Variants in CHEK2 observed in about 807,000 individuals in gnomAD.
The protein encoded by CHEK2 is checkpoint kinase 2, also known as serine/threonine-protein kinase Chk2.
A neutral mutation model predicts 69.1 loss-of-function variants in CHEK2; 71 were observed. The observed-to-expected ratio is 1.03, with a 90% confidence interval of 0.85 to 1.25. The LOEUF (loss-of-function observed/expected upper bound fraction) is 1.25, where lower values mean the gene tolerates loss of function less well. Among genes scored for constraint, CHEK2 ranks in the 50% most tolerant of loss-of-function variants. The probability of loss-of-function intolerance (pLI) is 0.00; values close to 1 mark genes in which losing one functional copy is unlikely to be tolerated. For missense variants in CHEK2, 664 were observed against 649.6 expected (o/e 1.02, Z -0.24); for synonymous variants, 189 against 226.9 (o/e 0.83, Z 1.50).
chr22:28,702,141 G>GTGTGTGTC (rs2052888295), intron 8 of CHEK2, among the ~76,000 whole-genome samples: 2 of 142,550 alleles, frequency 1.4e-5, no homozygotes, highest in South Asian at 2.2e-4. Context: ...GTGTCTGTGT[G>GTGTGTGTC]TGTGTGTGTG....
intron 5 of CHEK2, among the ~76,000 whole-genome samples, chr22:28,718,293 T>C (rs1169568812): frequency 2.0e-5 from 3 of 152,108 alleles, no homozygotes; most frequent in East Asian, 1.9e-4. Context: ...TTGGAGAGGA[T>C]GTGAAGAAAA....
At chr22:28,718,819 T>C (rs893388084) in intron 5 of CHEK2, among the ~76,000 whole-genome samples, 8 of 150,054 alleles carry the variant, frequency 5.3e-5, no homozygotes, top group Non-Finnish European at 1.0e-4. Context: ...GAAGTGGAGG[T>C]TGCAGTGAGT....
intron 7 of CHEK2, among the ~76,000 whole-genome samples, chr22:28,707,121 C>T (rs1418420781): frequency 1.3e-5 from 2 of 152,132 alleles, no homozygotes; most frequent in East Asian, 3.9e-4. Flanking sequence ...ATTACTTCCT[C>T]TAGTGTCCGC....
intron 6 of CHEK2, 144 bp from the exon 7 acceptor site, chr22:28,710,203 A>G: frequency 1.7e-6 from 1 of 598,560 alleles, no homozygotes; most frequent in African/African-American, 1.9e-5. Flanking sequence ...AGCCCAGGTC[A>G]ATGACTTAAA....
rs587781519 is a variant in CHEK2 at position 28,687,932 on chromosome 22, TG to T, written c.1596del (p.Thr533GlnfsTer33). On this transcript the variant is annotated frameshift_variant, in exon 15 of 15. Transcript: ENST00000404276. LOFTEE classifies it high-confidence loss of function. ...GCAGCACACACAGCTGGGCGCTTTG[TG>T]GTCTCGGCACCCTCGGCTTCCCCTT... ...PREGEAEGAE[T>X]TKRPAVCAAV... The T allele has an allele frequency of 8.8e-6, 14 of 1,596,312 alleles. No individual in the cohort carries two copies. Among genetic ancestry groups the T allele is most frequent in the African/African-American group, 1.3e-5 (1 of 74,860 alleles).
intron 2 of CHEK2, among the ~76,000 whole-genome samples, chr22:28,733,900 C>A (rs547236842): frequency 1.4e-5 from 2 of 145,376 alleles, no homozygotes; most frequent in East Asian, 4.0e-4. Flanking sequence ...CTTGTCTGTG[C>A]GACAGAGCAA....
In CHEK2 at chr22:28,741,773, T is replaced by C. The variant is rs554107994; in HGVS notation, c.-11A>G. The C allele has an allele frequency of 1.3e-5, 6 of 445,438 alleles. No homozygotes were observed. Among genetic ancestry groups the C allele is most frequent in the African/African-American group, 7.9e-5 (4 of 50,586 alleles). The allele number at this position is 445,438 out of a possible 1,614,324, so 27.6% of individuals were successfully genotyped here. On this transcript the variant is annotated 5_prime_UTR_variant, in exon 1 of 15. Transcript: ENST00000404276. ...GAAGTTCCCCATATGACTCACCGCG[T>C]GAGCCCACCTGGAGCCGCACACTCT... is the stretch of plus-strand genomic sequence containing the variant.
intron 5 of CHEK2, among the ~76,000 whole-genome samples, chr22:28,713,517 C>T (rs973252801): frequency 4.0e-5 from 6 of 151,830 alleles, no homozygotes; most frequent in Non-Finnish European, 5.9e-5. Flanking sequence ...CCACCACGCC[C>T]GGCTAATCTT....
chr22:28,719,067 A>C (rs1038307891), intron 5 of CHEK2, among the ~76,000 whole-genome samples: 2 of 152,082 alleles, frequency 1.3e-5, no homozygotes, highest in Non-Finnish European at 2.9e-5. Context: ...ACTCTAAAAA[A>C]CAAAAACACA....
At chr22:28,716,169 A>G (rs2053579148) in intron 5 of CHEK2, among the ~76,000 whole-genome samples, 1 of 150,194 alleles carries the variant, frequency 6.7e-6, no homozygotes, top group Non-Finnish European at 1.5e-5. Flanking sequence ...CACCATACCC[A>G]GCCTCATACA....
chr22:28,687,966 C>T lies in CHEK2; in HGVS notation c.1563G>A (p.Arg521=), dbSNP rs761278013. Reference sequence around the variant, plus strand: ...CACCCTCGGCTTCCCCTTCACGGGGCCGCTTTCGACTAGTAGAAGGCTGAA... The same window carrying T: ...CACCCTCGGCTTCCCCTTCACGGGGTCGCTTTCGACTAGTAGAAGGCTGAA... ...VLAQPSTSRK[R]PREGEAEGAE... The change falls in exon 15 of 15, where the codon CGG becomes CGA. Residue 521 remains arginine (R), a synonymous_variant. Coordinates refer to ENST00000404276, the MANE Select transcript of CHEK2 (RefSeq NM_007194.4). The T allele has an allele frequency of 4.4e-6, 7 of 1,595,950 alleles. No homozygotes were observed. In the African/African-American group the frequency reaches 8.0e-5, roughly 18 times the overall value.
chr22:28,732,262 C>A (rs183275055), intron 2 of CHEK2, among the ~76,000 whole-genome samples: 2 of 152,280 alleles, frequency 1.3e-5, no homozygotes, highest in African/African-American at 4.8e-5. Flanking sequence ...CAGGAGCCCG[C>A]CACCATGCCC....
chr22:28,698,639 G>C (rs1315439482), intron 9 of CHEK2, among the ~76,000 whole-genome samples: 1 of 152,182 alleles, frequency 6.6e-6, no homozygotes, highest in Non-Finnish European at 1.5e-5. Flanking sequence ...GGGTTTTCAA[G>C]AAGAGACTGG....
intron 13 of CHEK2, among the ~76,000 whole-genome samples, chr22:28,691,144 G>C (rs905176539): frequency 6.6e-6 from 1 of 152,018 alleles, no homozygotes; most frequent in Non-Finnish European, 1.5e-5. Flanking sequence ...CTTCAGTGAA[G>C]CCAAACAGAG....
At chr22:28,739,230 C>T (rs1189727079) in intron 1 of CHEK2, among the ~76,000 whole-genome samples, 6 of 151,928 alleles carry the variant, frequency 3.9e-5, no homozygotes, top group South Asian at 2.1e-4. Context: ...GAGCCGAGAT[C>T]GCACCACTGC....
intron 4 of CHEK2, among the ~76,000 whole-genome samples, chr22:28,722,451 A>C (rs1023896797): frequency 4.6e-5 from 7 of 150,812 alleles, no homozygotes; most frequent in Non-Finnish European, 8.9e-5. Context: ...GAGGCAGGAG[A>C]ATGGCGTGAA....
intron 1 of CHEK2, among the ~76,000 whole-genome samples, chr22:28,741,148 C>CAAAAAAAAAAA (rs71194792): frequency 2.0e-5 from 1 of 51,162 alleles, no homozygotes; most frequent in African/African-American, 6.9e-5. Context: ...GACTCCGTCT[C>CAAAAAAAAAAA]AAAAAAAAAA....
chr22:28,704,007 G>A (rs2053003428), intron 7 of CHEK2, among the ~76,000 whole-genome samples: 2 of 152,064 alleles, frequency 1.3e-5, no homozygotes, highest in Admixed American at 6.6e-5. Context: ...GGAACCTCCA[G>A]GCAATTGGAC....
At chr22:28,702,460 G>T (rs529009701) in intron 8 of CHEK2, among the ~76,000 whole-genome samples, 2 of 150,590 alleles carry the variant, frequency 1.3e-5, no homozygotes, top group Non-Finnish European at 2.9e-5. Flanking sequence ...GGATGGCCTC[G>T]ATCTCCTGAC....
Sources: allele counts gnomAD v4.1 joint callset (sites outside exome capture counted in the v4.1 genomes callset), GRCh38; gene constraint gnomAD v4.1.1; transcripts MANE v1.5; gene names NCBI Gene and HGNC (gene_info 2026-07-23, HGNC 2026-07-21).